The following ADGRG4 variants were observed in gnomAD, a reference collection of about 807,000 sequenced individuals.
ADGRG4 encodes adhesion G protein-coupled receptor G4, also known as G protein-coupled receptor 112.
A neutral mutation model predicts 126.2 loss-of-function variants in ADGRG4; 122 were observed. The ratio of observed to expected loss-of-function variants is 0.97; its 90% CI spans 0.83 to 1.12. ADGRG4 has a LOEUF of 1.12. Ranked by LOEUF, ADGRG4 falls within the 50% of genes most tolerant of loss-of-function variation. ADGRG4 has a pLI of 0.00. For missense variants in ADGRG4, 2,481 were observed against 2,251.8 expected (o/e 1.10, Z -2.06); for synonymous variants, 943 against 838.7 (o/e 1.12, Z -2.15).
At chrX:136,303,002 G>GTA (rs1485622201) in intron 1 of ADGRG4, among the ~76,000 whole-genome samples, 2 of 111,485 alleles carry the variant, frequency 1.8e-5, no homozygotes, top group East Asian at 5.6e-4. Context: ...TGTCTCTCTT[G>GTA]TGGTATGGCC....
chrX:136,346,086 T>G lies in ADGRG4; in HGVS notation c.2380T>G (p.Cys794Gly). The G allele has an allele frequency of 1.7e-6, 2 of 1,209,867 alleles. No individual in the cohort carries two copies. The highest frequency in any genetic ancestry group is 2.2e-6 in the Non-Finnish European group (2 of 894,137). Reference protein sequence around the residue: ...PSVDIISTLACIQPNFSTEES... With the variant: ...PSVDIISTLAGIQPNFSTEES... The stretch of plus-strand genomic sequence containing the variant: ...AGTAGATATAATATCTACTCTTGCT[T>G]GCATTCAACCAAATTTTTCTACTGA... The change falls in exon 6 of 26, where the codon TGC becomes GGC. Residue 794 changes from cysteine (C) to glycine (G), a missense_variant. Coordinates refer to ENST00000394143, the MANE Select transcript of ADGRG4 (RefSeq NM_153834.4).
chrX:136,392,440 G>A (rs1188150463), intron 17 of ADGRG4, 86 bp downstream of exon 17: 2 of 812,814 alleles, frequency 2.5e-6, no homozygotes, highest in African/African-American at 2.1e-5. Flanking sequence ...TTAATTAACA[G>A]ATGTGATTCT....
In ADGRG4 at chrX:136,397,868, T is replaced by C. The variant is rs771167549; in HGVS notation, c.8185-13T>C. The C allele has an allele frequency of 1.2e-5, 14 of 1,204,110 alleles. No homozygotes were observed. Among genetic ancestry groups the C allele is most frequent in the Non-Finnish European group, 1.6e-5 (14 of 891,071 alleles). The stretch of plus-strand genomic sequence containing the variant: ...TGGTGTATGTGTAAAACACAACACA[T>C]TGTGTTCCTTAGGATTTATCCAGGT... On this transcript the variant is annotated splice_polypyrimidine_tract_variant and intron_variant, in intron 19 of 25. Coordinates refer to ENST00000394143, the MANE Select transcript of ADGRG4 (RefSeq NM_153834.4).
chrX:136,362,401 C>T (rs1374588450), intron 12 of ADGRG4, among the ~76,000 whole-genome samples: 2 of 111,296 alleles, frequency 1.8e-5, no homozygotes, highest in Non-Finnish European at 3.8e-5. Flanking sequence ...AGAGCGGTCT[C>T]CTTGCCATCT....
At chrX:136,314,952 T>C (rs1034222724) in intron 4 of ADGRG4, among the ~76,000 whole-genome samples, 2 of 111,757 alleles carry the variant, frequency 1.8e-5, no homozygotes, top group Non-Finnish European at 3.8e-5. Flanking sequence ...AAAAATCACA[T>C]GACCTATGTG....
At chrX:136,386,932 ATTGGTTCACAGT>A (rs2075295022) in intron 15 of ADGRG4, among the ~76,000 whole-genome samples, 2 of 112,236 alleles carry the variant, frequency 1.8e-5, no homozygotes, top group Non-Finnish European at 3.8e-5. Flanking sequence ...ACAGAAATTT[ATTGGTTCACAGT>A]TCTGGTGGCT....
intron 24 of ADGRG4, among the ~76,000 whole-genome samples, chrX:136,413,301 A>G (rs771872487): frequency 4.2e-4 from 40 of 95,339 alleles, no homozygotes; most frequent in African/African-American, 1.5e-3. Flanking sequence ...ACGTGATCTC[A>G]TTGTTCAATT....
intron 4 of ADGRG4, among the ~76,000 whole-genome samples, chrX:136,313,690 A>G (rs912412665): frequency 2.7e-5 from 3 of 111,955 alleles, no homozygotes; most frequent in Admixed American, 9.5e-5. Context: ...TTCCTTCAAC[A>G]GTAAAAATAT....
At chrX:136,321,835 A>T (rs796869061) in intron 4 of ADGRG4, among the ~76,000 whole-genome samples, 3 of 112,325 alleles carry the variant, frequency 2.7e-5, no homozygotes, top group Non-Finnish European at 5.6e-5. Context: ...AAGGTTTTGC[A>T]TACATCATCT....
chrX:136,354,605 A>G (rs2075082415), intron 8 of ADGRG4, among the ~76,000 whole-genome samples: 1 of 110,801 alleles, frequency 9.0e-6, no homozygotes, highest in Admixed American at 9.6e-5. Context: ...CCTCTCAAAA[A>G]TAGCTTCAGA....
Position 136,322,829 on chromosome X carries a change from C to T in ADGRG4, c.122C>T (p.Thr41Ile). 1 of 1,203,768 alleles carries T rather than the reference C, an allele frequency of 8.3e-7. No homozygotes were observed. Among genetic ancestry groups the T allele is most frequent in the South Asian group, 1.8e-5 (1 of 55,367 alleles). Residue 41 changes from threonine (T) to isoleucine (I), a missense_variant, in exon 5 of 26, where the codon ACA becomes ATA. Coordinates refer to ENST00000394143, the MANE Select transcript of ADGRG4 (RefSeq NM_153834.4). ...CTGGATTTTTTTGGAAGAGGTGACA[C>T]ATATGTAAGCCTGATAGATACCATT... is the stretch of plus-strand genomic sequence containing the variant. ...KKLDFFGRGDTYVSLIDTIPE... is the reference protein window; with the variant it reads ...KKLDFFGRGDIYVSLIDTIPE...
At chrX:136,413,358 G>A (rs1010853428) in intron 24 of ADGRG4, among the ~76,000 whole-genome samples, 6 of 108,243 alleles carry the variant, frequency 5.5e-5, no homozygotes, top group African/African-American at 1.4e-4. Flanking sequence ...TTGTTCTTGC[G>A]ATAGTTTACT....
In ADGRG4 at chrX:136,387,675, G is replaced by T; in HGVS notation, c.7777-65G>T. The T allele has an allele frequency of 4.7e-6, 5 of 1,067,572 alleles. No individual in the cohort carries two copies. The East Asian group carries it at 1.5e-4, about 33-fold the overall frequency. The allele number at this position is 1,067,572 out of a possible 1,213,427, so 88.0% of individuals were successfully genotyped here. A position where few individuals can be genotyped will look rare whatever the true frequency, so the allele number is the denominator to read the frequency against. On this transcript the variant is annotated intron_variant, in intron 15 of 25. Coordinates refer to ENST00000394143, the MANE Select transcript of ADGRG4 (RefSeq NM_153834.4). ...ATTCTGAGGCTGAGCTGGGGTGGGA[G>T]GTGGGCAGGACTTCACTATGATGAA...
chrX:136,379,582 C>G (rs1440484917), intron 15 of ADGRG4, among the ~76,000 whole-genome samples: 3 of 107,524 alleles, frequency 2.8e-5, no homozygotes, highest in Non-Finnish European at 5.8e-5. Context: ...CCTCTTCTTC[C>G]CTTGCTGTCC....
chrX:136,306,746 G>A (rs1320172039), intron 3 of ADGRG4, among the ~76,000 whole-genome samples: 3 of 95,311 alleles, frequency 3.1e-5, no homozygotes, highest in South Asian at 4.9e-4. Context: ...ACAGAATCTC[G>A]CTCTGTCGCC....
At chrX:136,305,260 C>T (rs956623432) in intron 3 of ADGRG4, among the ~76,000 whole-genome samples, 3 of 111,652 alleles carry the variant, frequency 2.7e-5, no homozygotes, top group South Asian at 3.8e-4. Context: ...TAAGCTGGGT[C>T]GACTCAGCCT....
chrX:136,343,357 A>C (rs2074991471), intron 5 of ADGRG4, among the ~76,000 whole-genome samples: 2 of 111,524 alleles, frequency 1.8e-5, no homozygotes, highest in South Asian at 7.6e-4. Context: ...CCAAGAAACG[A>C]TATCAAGTAA....
At chrX:136,308,478 A>T (rs1714881941) in intron 3 of ADGRG4, among the ~76,000 whole-genome samples, 2 of 111,901 alleles carry the variant, frequency 1.8e-5, no homozygotes, top group South Asian at 7.5e-4. Flanking sequence ...GATGGCAGAG[A>T]TGTGTGTCTT....
At chrX:136,324,311 C>T (rs1352074940) in intron 5 of ADGRG4, among the ~76,000 whole-genome samples, 1 of 112,209 alleles carries the variant, frequency 8.9e-6, no homozygotes, top group Non-Finnish European at 1.9e-5. Context: ...TCACTAATCA[C>T]TATGATGTTT....
Sources: allele counts gnomAD v4.1 joint callset (sites outside exome capture counted in the v4.1 genomes callset), GRCh38; gene constraint gnomAD v4.1.1; transcripts MANE v1.5; gene names NCBI Gene and HGNC (gene_info 2026-07-23, HGNC 2026-07-21).